The following STAG1 variants were observed in gnomAD, a reference collection of about 807,000 sequenced individuals.
STAG1 encodes the protein cohesin subunit SA-1.
A neutral mutation model predicts 170.9 loss-of-function variants in STAG1; 26 were observed. That is an observed-to-expected ratio of 0.15 (90% CI 0.11 to 0.21). The LOEUF is 0.21. Ranked by LOEUF, STAG1 falls within the 10% of genes least tolerant of loss-of-function variation. The pLI is 1.00. For missense variants in STAG1, 964 were observed against 1,509.5 expected, an observed-to-expected ratio of 0.64 and a Z score of 5.99; for synonymous variants, 514 against 497.7, an observed-to-expected ratio of 1.03 and a Z score of -0.44.
At chr3:136,724,060 T>C (rs1452541487) in intron 1 of STAG1, among the ~76,000 whole-genome samples, 2 of 148,688 alleles carry the variant, frequency 1.3e-5, no homozygotes, top group African/African-American at 5.0e-5. Flanking sequence ...TACTGGGAAG[T>C]GAGGAGCCCC....
At chr3:136,667,780 G>A (rs1941838827) in intron 1 of STAG1, among the ~76,000 whole-genome samples, 1 of 152,172 alleles carries the variant, frequency 6.6e-6, no homozygotes, top group Admixed American at 6.5e-5. Context: ...ACAGGTGTGA[G>A]CTACTGCCCC....
At chr3:136,570,567 C>T (rs985872209) in intron 4 of STAG1, among the ~76,000 whole-genome samples, 6 of 152,168 alleles carry the variant, frequency 3.9e-5, no homozygotes, top group Admixed American at 2.6e-4. Context: ...TGTTAACACA[C>T]GTTACACACA....
chr3:136,558,644 A>T (rs899019154), intron 5 of STAG1, among the ~76,000 whole-genome samples: 2 of 152,242 alleles, frequency 1.3e-5, no homozygotes, highest in African/African-American at 4.8e-5. Context: ...AAAATATGTG[A>T]AGCCATCAGA....
intron 21 of STAG1, among the ~76,000 whole-genome samples, chr3:136,400,402 G>A (rs955307304): frequency 6.6e-6 from 1 of 151,816 alleles, no homozygotes; most frequent in South Asian, 2.1e-4. Context: ...TTGTATTTTA[G>A]TAGAGACGGG....
At chr3:136,392,008 G>C (rs1435968726) in intron 22 of STAG1, among the ~76,000 whole-genome samples, 2 of 152,000 alleles carry the variant, frequency 1.3e-5, no homozygotes, top group East Asian at 1.9e-4. Context: ...ATTATAACTT[G>C]AATTTAAACT....
intron 7 of STAG1, among the ~76,000 whole-genome samples, chr3:136,517,277 T>A (rs1288743447): frequency 6.6e-6 from 1 of 152,192 alleles, no homozygotes; most frequent in Non-Finnish European, 1.5e-5. Flanking sequence ...ACAATCTTCA[T>A]GTCATTATTA....
At chr3:136,362,605 C>CAAA (rs1237413699) in intron 26 of STAG1, among the ~76,000 whole-genome samples, 1 of 42,434 alleles carries the variant, frequency 2.4e-5, no homozygotes, top group African/African-American at 8.8e-5. Context: ...ATCATCTCTG[C>CAAA]AAAAAAAAAA....
intron 5 of STAG1, among the ~76,000 whole-genome samples, chr3:136,567,391 G>A (rs1408659999): frequency 1.3e-5 from 2 of 152,146 alleles, no homozygotes; most frequent in African/African-American, 2.4e-5. Flanking sequence ...AATCCTCTAC[G>A]TCCCGGACTG....
At chr3:136,583,060 T>C (rs561460418) in intron 4 of STAG1, among the ~76,000 whole-genome samples, 92 of 152,218 alleles carry the variant, frequency 6.0e-4, no homozygotes, top group Admixed American at 5.9e-4. Flanking sequence ...TTACAAAATA[T>C]AATGGTATCA....
At chr3:136,675,723 C>G (rs947581613) in intron 1 of STAG1, among the ~76,000 whole-genome samples, 3 of 152,086 alleles carry the variant, frequency 2.0e-5, no homozygotes, top group Admixed American at 2.0e-4. Context: ...CACCCCTACT[C>G]CCTGACAATC....
intron 21 of STAG1, among the ~76,000 whole-genome samples, chr3:136,410,284 C>T (rs2087590725): frequency 6.6e-6 from 1 of 151,768 alleles, no homozygotes; most frequent in Non-Finnish European, 1.5e-5. Context: ...CCTGTAATCC[C>T]AGCTACTTGG....
At chr3:136,562,719 C>G (rs1260680456) in intron 5 of STAG1, among the ~76,000 whole-genome samples, 2 of 152,076 alleles carry the variant, frequency 1.3e-5, no homozygotes, top group African/African-American at 2.4e-5. Flanking sequence ...TCCCAAGTAG[C>G]TGGGATTGCA....
intron 1 of STAG1, among the ~76,000 whole-genome samples, chr3:136,658,597 A>G (rs2107862969): frequency 6.6e-6 from 1 of 152,342 alleles, no homozygotes; most frequent in East Asian, 1.9e-4. Context: ...AATAAGCTAC[A>G]TGCCTTAGTA....
At chr3:136,426,367 G>A (rs1422665462) in intron 16 of STAG1, among the ~76,000 whole-genome samples, 2 of 152,236 alleles carry the variant, frequency 1.3e-5, no homozygotes, top group East Asian at 1.9e-4. Flanking sequence ...AGCCGAGATC[G>A]CGCCACTGCA....
intron 1 of STAG1, among the ~76,000 whole-genome samples, chr3:136,687,521 A>T (rs1418198793): frequency 6.6e-6 from 1 of 152,064 alleles, no homozygotes; most frequent in Non-Finnish European, 1.5e-5. Flanking sequence ...TCGACCTTGA[A>T]AAAAAAGGTC....
chr3:136,466,253 G>C (rs996446173), intron 12 of STAG1, among the ~76,000 whole-genome samples: 1 of 151,974 alleles, frequency 6.6e-6, no homozygotes, highest in African/African-American at 2.4e-5. Flanking sequence ...TAAAAACCTT[G>C]AAAAAAGACT....
chr3:136,363,298 A>G, intron 26 of STAG1, 68 bp downstream of exon 26: 3 of 803,190 alleles, frequency 3.7e-6, no homozygotes, highest in Non-Finnish European at 6.2e-6. Context: ...TACCTAGCAA[A>G]TATTAAGCAC....
intron 1 of STAG1, among the ~76,000 whole-genome samples, chr3:136,690,865 T>C (rs907164130): frequency 6.6e-6 from 1 of 151,544 alleles, no homozygotes; most frequent in Non-Finnish European, 1.5e-5. Context: ...ATTTGACTAG[T>C]AGGGCAGTGG....
chr3:136,371,482 G>GT (rs1937336183), intron 23 of STAG1, among the ~76,000 whole-genome samples: 1 of 152,170 alleles, frequency 6.6e-6, no homozygotes, highest in South Asian at 2.1e-4. Flanking sequence ...GGTTTTTATG[G>GT]TTTTAGGTCT....
Sources: allele counts gnomAD v4.1 joint callset (sites outside exome capture counted in the v4.1 genomes callset), GRCh38; gene constraint gnomAD v4.1.1; transcripts MANE v1.5; gene names NCBI Gene and HGNC (gene_info 2026-07-23, HGNC 2026-07-21).